Variants in COBLL1 observed in about 807,000 individuals in gnomAD.
COBLL1 encodes cordon-bleu WH2 repeat protein like 1.
A neutral mutation model predicts 94.8 loss-of-function variants in COBLL1; 50 were observed. The ratio of observed to expected loss-of-function variants is 0.53; its 90% CI spans 0.42 to 0.67. COBLL1 has a LOEUF of 0.67. COBLL1 is among the 30% of genes least tolerant of loss of function. The pLI, the probability that COBLL1 is intolerant of heterozygous loss-of-function variation, is 0.00. For synonymous variants in COBLL1, 448 were observed against 473.8 expected (o/e 0.95, Z 0.71); for missense variants, 1,362 against 1,348.7 (o/e 1.01, Z -0.15).
intron 2 of COBLL1, chr2:164,840,767 C>T (rs1683558213): frequency 5.6e-6 from 1 of 177,044 alleles, no homozygotes; most frequent in Non-Finnish European, 1.2e-5. Context: ...CCTGCCTGGG[C>T]CTCAGCCCAT....
chr2:164,786,771 A>G (rs1688981928), intron 2 of COBLL1, among the ~76,000 whole-genome samples: 1 of 152,050 alleles, frequency 6.6e-6, no homozygotes, highest in African/African-American at 2.4e-5. Flanking sequence ...CATTCTAATG[A>G]TTTCCATTGT....
rs1349790427 is a variant in COBLL1, at chr2:164,695,542, T to C, written c.1850A>G (p.His617Arg). 3.7e-6 allele frequency: 6 copies of C among 1,613,976 alleles called. No individual in the cohort carries two copies. The highest frequency in any genetic ancestry group is 8.5e-7 in the Non-Finnish European group (1 of 1,179,908). ...TPSCNSFDGK[H>R]QDHNLSDSKV... ...GGAGTCAGATAAATTATGATCTTGG[T>C]GTTTCCCATCAAAACTGTTACAAGA... The change falls in exon 12 of 14, where the codon CAC (histidine) becomes CGC (arginine). Residue 617 changes from histidine to arginine, a missense_variant. Transcript: ENST00000652658.
chr2:164,825,724 TGAAA>T (rs1013434880), intron 2 of COBLL1, among the ~76,000 whole-genome samples: 1 of 152,170 alleles, frequency 6.6e-6, no homozygotes, highest in African/African-American at 2.4e-5. Flanking sequence ...CCACCATAGC[TGAAA>T]GAGTTACAGC....
chr2:164,793,291 A>G (rs930503327), intron 2 of COBLL1, among the ~76,000 whole-genome samples: 1 of 152,072 alleles, frequency 6.6e-6, no homozygotes, highest in Non-Finnish European at 1.5e-5. Flanking sequence ...GAAAGGTTTC[A>G]AGCTTTTCTT....
chr2:164,712,628 T>C (rs978866768), intron 7 of COBLL1, among the ~76,000 whole-genome samples: 2 of 152,046 alleles, frequency 1.3e-5, no homozygotes, highest in African/African-American at 4.8e-5. Context: ...TGTTAAAAAA[T>C]TTTTACAACT....
intron 5 of COBLL1, chr2:164,724,959 A>C (rs1007342361): frequency 6.6e-6 from 1 of 151,870 alleles, no homozygotes; most frequent in Non-Finnish European, 1.5e-5. Context: ...AACTAATAAT[A>C]ACGAACACGT....
At chr2:164,793,466 A>G (rs771550924) in intron 2 of COBLL1, among the ~76,000 whole-genome samples, 29 of 152,202 alleles carry the variant, frequency 1.9e-4, no homozygotes, top group Admixed American at 9.2e-4. Flanking sequence ...TTATTTTGAC[A>G]TACGTTTTAC....
intron 2 of COBLL1, among the ~76,000 whole-genome samples, chr2:164,665,285 G>A (rs1394632514): frequency 3.4e-5 from 5 of 146,258 alleles, no homozygotes; most frequent in African/African-American, 1.3e-4. Context: ...AGCTGAAATC[G>A]CACCACTGCA....
intron 7 of COBLL1, 169 bp downstream of exon 7, chr2:164,721,906 A>G (rs1012194245): frequency 6.2e-6 from 3 of 480,470 alleles, no homozygotes; most frequent in African/African-American, 2.0e-5. Flanking sequence ...CCTAGTACCA[A>G]TCTTAGAATG....
intron 2 of COBLL1, among the ~76,000 whole-genome samples, chr2:164,820,974 G>A (rs544423641): frequency 3.9e-5 from 6 of 152,142 alleles, no homozygotes; most frequent in Admixed American, 2.0e-4. Flanking sequence ...TGCAACCTCC[G>A]CCTCCCAGGT....
intron 5 of COBLL1, among the ~76,000 whole-genome samples, chr2:164,725,218 C>T (rs1685667356): frequency 6.7e-6 from 1 of 150,302 alleles, no homozygotes; most frequent in African/African-American, 2.4e-5. Flanking sequence ...CAAAGACAAA[C>T]AGGCATTAAA....
At chr2:164,717,294 T>C (rs1685218370) in intron 7 of COBLL1, among the ~76,000 whole-genome samples, 1 of 152,194 alleles carries the variant, frequency 6.6e-6, no homozygotes, top group Non-Finnish European at 1.5e-5. Context: ...TGGTCATACA[T>C]ATTTTTCTTC....
chr2:164,761,709 C>CT (rs1319578287), intron 2 of COBLL1, among the ~76,000 whole-genome samples: 2 of 152,062 alleles, frequency 1.3e-5, no homozygotes, highest in Non-Finnish European at 2.9e-5. Context: ...TAAAAGTTTC[C>CT]TTTGTTCGAT....
At chr2:164,756,122 T>C (rs1372522858) in intron 2 of COBLL1, among the ~76,000 whole-genome samples, 1 of 151,894 alleles carries the variant, frequency 6.6e-6, no homozygotes, top group African/African-American at 2.4e-5. Context: ...AGTGAGGGAA[T>C]GTGCTAGTGA....
At chr2:164,730,707 CT>C (rs1366658317) in intron 3 of COBLL1, among the ~76,000 whole-genome samples, 1 of 152,106 alleles carries the variant, frequency 6.6e-6, no homozygotes, top group African/African-American at 2.4e-5. Flanking sequence ...AGGAGGAGTC[CT>C]TTCCTTACCC....
At chr2:164,711,560 T>G (rs569576988) in intron 7 of COBLL1, among the ~76,000 whole-genome samples, 1 of 152,330 alleles carries the variant, frequency 6.6e-6, no homozygotes, top group South Asian at 2.1e-4. Flanking sequence ...CAACATACTT[T>G]AAAGGACTTT....
At chr2:164,780,049 A>G (rs1688661990) in intron 2 of COBLL1, among the ~76,000 whole-genome samples, 1 of 152,174 alleles carries the variant, frequency 6.6e-6, no homozygotes, top group African/African-American at 2.4e-5. Context: ...CTATCCTACA[A>G]TTCAAGCAAA....
chr2:164,701,112 T>C (rs115071892), intron 9 of COBLL1, among the ~76,000 whole-genome samples: 1 of 152,196 alleles, frequency 6.6e-6, no homozygotes, highest in Non-Finnish European at 1.5e-5. Flanking sequence ...TAAAGGCAAA[T>C]TAATAATTTT....
At position 164,694,471 on chromosome 2, in the gene COBLL1, A is replaced by G; in HGVS notation, c.2921T>C (p.Phe974Ser). ...ACTTGAGTATGGTCGTGGGGCACCA[A>G]AAGTTTTCAAAGTCTTCAGATTTTG... ...STQNLKTLKT[F>S]GAPRPYSSSG... Residue 974 changes from phenylalanine (F) to serine (S), a missense_variant, in exon 12 of 14, where the codon TTT becomes TCT. Physicochemically the swap from Phe to Ser is radical, Grantham distance 155 (BLOSUM62 -2). Transcript: ENST00000652658. The G allele has an allele frequency of 6.2e-7, 1 of 1,614,022 alleles. No individual in the cohort carries two copies. Among genetic ancestry groups the G allele is most frequent in the Admixed American group, 1.7e-5 (1 of 59,980 alleles).
Sources: allele counts gnomAD v4.1 joint callset (sites outside exome capture counted in the v4.1 genomes callset), GRCh38; gene constraint gnomAD v4.1.1; transcripts MANE v1.5; gene names NCBI Gene and HGNC (gene_info 2026-07-23, HGNC 2026-07-21).